CFAP43: variants seen among roughly 807,000 people sequenced by gnomAD.
CFAP43 encodes the protein cilia- and flagella-associated protein 43.
A neutral mutation model predicts 218.9 loss-of-function variants in CFAP43; 155 were observed. The observed-to-expected ratio is 0.71, with a 90% CI of 0.62 to 0.81. CFAP43 has a LOEUF of 0.81. CFAP43 is among the 30% of genes least tolerant of loss of function. CFAP43 has a pLI of 0.00. For missense variants in CFAP43, 1,778 were observed against 1,954.3 expected (o/e 0.91, Z 1.70); for synonymous variants, 645 against 681.3 (o/e 0.95, Z 0.83).
chr10:104,143,757 G>T, intron 31 of CFAP43, 118 bp from the exon 32 acceptor site: 1 of 969,990 alleles, frequency 1.0e-6, no homozygotes, highest in Non-Finnish European at 1.5e-6. Flanking sequence ...TTTGCCATGT[G>T]ATGGCTGGTA....
intron 6 of CFAP43, among the ~76,000 whole-genome samples, chr10:104,206,789 TGGCCCA>T (rs2090704025): frequency 6.6e-6 from 1 of 152,218 alleles, no homozygotes; most frequent in South Asian, 2.1e-4. Context: ...GTGGCTCCTG[TGGCCCA>T]GGCCCAACCA....
chr10:104,161,959 A>G lies in CFAP43; in HGVS notation c.3414+2T>C. ...TTCTATAAGGATGAACAGAAATATCACCATTCTCAAAATATCTTCCTTCTT... is the reference window on the plus strand; with the variant it reads ...TTCTATAAGGATGAACAGAAATATCGCCATTCTCAAAATATCTTCCTTCTT... On this transcript the variant is annotated splice_donor_variant, in intron 26 of 37. Transcript: ENST00000357060. LOFTEE classifies it high-confidence loss of function. 6.2e-7 allele frequency: 1 copy of G among 1,612,518 alleles called. No individual in the cohort carries two copies. The highest frequency in any genetic ancestry group is 8.5e-7 in the Non-Finnish European group (1 of 1,179,372).
At chr10:104,215,619 C>T (rs1016627288) in intron 3 of CFAP43, among the ~76,000 whole-genome samples, 1 of 152,188 alleles carries the variant, frequency 6.6e-6, no homozygotes, top group Non-Finnish European at 1.5e-5. Flanking sequence ...TGCCACCCCC[C>T]ACCAGACCCT....
chr10:104,142,814 C>T (rs12264524), intron 32 of CFAP43, among the ~76,000 whole-genome samples: 3,285 of 152,160 alleles, frequency 0.022, 124 homozygotes, highest in African/African-American at 0.074. Flanking sequence ...AATTTTTACT[C>T]GTTGCCACAT....
At chr10:104,186,569 C>T (rs1425413227) in intron 14 of CFAP43, among the ~76,000 whole-genome samples, 1 of 152,182 alleles carries the variant, frequency 6.6e-6, no homozygotes, top group African/African-American at 2.4e-5. Context: ...GCCCTACCTC[C>T]CTATATGAGC....
At chr10:104,188,044 C>CT (rs2090087011) in intron 13 of CFAP43, among the ~76,000 whole-genome samples, 1 of 152,152 alleles carries the variant, frequency 6.6e-6, no homozygotes, top group Non-Finnish European at 1.5e-5. Context: ...TCCGTTGATC[C>CT]TATCTCTTTT....
At chr10:104,199,414 C>A (rs934055497) in intron 8 of CFAP43, among the ~76,000 whole-genome samples, 3 of 152,194 alleles carry the variant, frequency 2.0e-5, no homozygotes, top group Non-Finnish European at 4.4e-5. Context: ...CTAATGTTAT[C>A]TTTCTTTCAT....
intron 1 of CFAP43, among the ~76,000 whole-genome samples, chr10:104,231,743 G>A (rs2135024886): frequency 6.6e-6 from 1 of 152,284 alleles, no homozygotes; most frequent in South Asian, 2.1e-4. Flanking sequence ...CTAGTGGATA[G>A]GAGTTAGAAG....
intron 23 of CFAP43, among the ~76,000 whole-genome samples, chr10:104,165,112 T>C (rs539825071): frequency 1.2e-3 from 180 of 152,348 alleles, no homozygotes; most frequent in African/African-American, 4.0e-3. Flanking sequence ...TTCTTCTATA[T>C]GAACACACCA....
intron 28 of CFAP43, among the ~76,000 whole-genome samples, chr10:104,148,458 G>T (rs899241491): frequency 3.3e-5 from 5 of 152,182 alleles, no homozygotes; most frequent in Non-Finnish European, 5.9e-5. Context: ...CATCCAAACT[G>T]CATGTTGAAA....
intron 19 of CFAP43, 144 bp from the exon 20 acceptor site, chr10:104,172,679 A>T (rs1470750085): frequency 1.4e-6 from 1 of 739,814 alleles, no homozygotes; most frequent in Non-Finnish European, 2.0e-6. Flanking sequence ...TAATTAGATT[A>T]TGGGCTTATT....
rs373602663 is a variant in CFAP43, at chr10:104,146,354, A to G, written c.3769-5T>C. ...AACAGCTTCTGAAGTCTGGCTCTATAACAGCATCAGGAATAGTTGATTGAA... is the reference window on the plus strand; with the variant it reads ...AACAGCTTCTGAAGTCTGGCTCTATGACAGCATCAGGAATAGTTGATTGAA... On this transcript the variant is annotated splice_polypyrimidine_tract_variant and splice_region_variant and intron_variant, in intron 29 of 37. Coordinates refer to ENST00000357060, the MANE Select transcript of CFAP43 (RefSeq NM_025145.7). 2.4e-4 allele frequency: 387 copies of G among 1,612,058 alleles called. No individual in the cohort carries two copies. The highest frequency in any genetic ancestry group is 3.1e-4 in the Non-Finnish European group (366 of 1,178,394).
At chr10:104,210,884 G>C (rs1286131296) in intron 5 of CFAP43, among the ~76,000 whole-genome samples, 1 of 138,478 alleles carries the variant, frequency 7.2e-6, no homozygotes, top group African/African-American at 2.7e-5. Flanking sequence ...TCTGCCTCCC[G>C]GGTTCTCACC....
In CFAP43 at chr10:104,147,987, T is replaced by C. The variant is rs1157573709; in HGVS notation, c.3672A>G (p.Lys1224=). Residue 1224 remains lysine (K), a synonymous_variant, in exon 29 of 38, where the codon AAA becomes AAG. Coordinates refer to ENST00000357060, the MANE Select transcript of CFAP43 (RefSeq NM_025145.7). ...ATAAAGAAAATGCAAGGTTACTTAT[T>C]TTCAGTTCCTCCTGTAGAAATATTT... ...AEMVTNQEEL[K]ISNLAFSLLL... is the part of the protein sequence containing the mutation. The C allele has an allele frequency of 6.3e-7, 1 of 1,582,512 alleles. No homozygotes were observed. Among genetic ancestry groups the C allele is most frequent in the South Asian group, 1.2e-5 (1 of 86,120 alleles).
chr10:104,168,128 C>G (rs770198791), intron 21 of CFAP43, among the ~76,000 whole-genome samples: 11 of 152,288 alleles, frequency 7.2e-5, no homozygotes, highest in Non-Finnish European at 1.5e-4. Flanking sequence ...GGGCATAGAA[C>G]AGCCCCCACA....
Position 104,230,573 on chromosome 10 carries a change from A to C in CFAP43, c.319+17T>G. On this transcript the variant is annotated intron_variant, in intron 2 of 37. Transcript: ENST00000357060. The stretch of plus-strand genomic sequence containing the variant: ...AAATCCTTCAATTATGGGCAGAGGA[A>C]GGGTTCTCTAGAATACCTTTCAATT... 1 of 1,606,012 alleles carries C rather than the reference A, an allele frequency of 6.2e-7. No individual in the cohort carries two copies. Among genetic ancestry groups the C allele is most frequent in the Non-Finnish European group, 8.5e-7 (1 of 1,176,948 alleles).
At chr10:104,192,495 A>G (rs1479939888) in intron 11 of CFAP43, 193 bp from the exon 12 acceptor site, 1 of 530,668 alleles carries the variant, frequency 1.9e-6, no homozygotes, top group Admixed American at 3.9e-5. Context: ...GGCCAATGAT[A>G]TTTCCAAATT....
At chr10:104,143,668 A>G (rs779154960) in intron 31 of CFAP43, 29 bp from the exon 32 acceptor site, 12 of 1,605,896 alleles carry the variant, frequency 7.5e-6, no homozygotes, top group Non-Finnish European at 1.0e-5. Context: ...GCCCATCAAC[A>G]TTTCACATTC....
chr10:104,150,012 T>C (rs912377566), intron 28 of CFAP43, among the ~76,000 whole-genome samples: 5 of 152,216 alleles, frequency 3.3e-5, no homozygotes, highest in East Asian at 1.9e-4. Flanking sequence ...TTTTAGAAAC[T>C]ATATGATTCC....
Sources: allele counts gnomAD v4.1 joint callset (sites outside exome capture counted in the v4.1 genomes callset), GRCh38; gene constraint gnomAD v4.1.1; transcripts MANE v1.5; gene names NCBI Gene and HGNC (gene_info 2026-07-23, HGNC 2026-07-21).